TPH2: variants seen among roughly 807,000 people sequenced by gnomAD.
TPH2 encodes the protein tryptophan hydroxylase 2, also known as tryptophan 5-hydroxylase 2.
In TPH2, 27 loss-of-function variants were observed where a neutral mutation model predicts 59.1. That is an observed-to-expected ratio of 0.46 (90% CI 0.34 to 0.63). The LOEUF (loss-of-function observed/expected upper bound fraction) is 0.63, where lower values mean the gene tolerates loss of function less well. TPH2 is among the 30% of genes least tolerant of loss of function. TPH2 has a pLI of 0.01. For synonymous variants in TPH2, 220 were observed against 210.5 expected (o/e 1.05, Z -0.39); for missense variants, 523 against 588.3 (o/e 0.89, Z 1.15).
At chr12:71,986,970 A>G (rs1872454460) in intron 7 of TPH2, among the ~76,000 whole-genome samples, 1 of 152,184 alleles carries the variant, frequency 6.6e-6, no homozygotes, top group African/African-American at 2.4e-5. Context: ...TACCGTGTAG[A>G]GAATTGTGTC....
At chr12:71,974,870 C>A (rs1872073710) in intron 6 of TPH2, among the ~76,000 whole-genome samples, 1 of 152,182 alleles carries the variant, frequency 6.6e-6, no homozygotes, top group Admixed American at 6.5e-5. Flanking sequence ...ATGTTACTTT[C>A]TAAAATATTA....
At chr12:71,942,494 G>C (rs777203208) in intron 2 of TPH2, among the ~76,000 whole-genome samples, 3 of 152,188 alleles carry the variant, frequency 2.0e-5, no homozygotes, top group Admixed American at 6.5e-5. Flanking sequence ...CTAGCTCTGC[G>C]TGATGCCTTG....
chr12:71,956,988 A>G (rs530963036), intron 5 of TPH2, among the ~76,000 whole-genome samples: 51 of 152,270 alleles, frequency 3.3e-4, no homozygotes, highest in African/African-American at 1.1e-3. Context: ...ACTAATCCCT[A>G]TGAAAGAAGA....
rs1566109500 is a variant in TPH2, at chr12:71,941,569, T to C, written c.106-15T>C. Reference sequence around the variant, plus strand: ...AACTAATATTTTGTTTTATTATGCTTCGACATTCCTGAAGCTAAATAAACC... The same window carrying C: ...AACTAATATTTTGTTTTATTATGCTCCGACATTCCTGAAGCTAAATAAACC... On this transcript the variant is annotated splice_polypyrimidine_tract_variant and intron_variant, in intron 1 of 10. Transcript: ENST00000333850. 6.2e-7 allele frequency: 1 copy of C among 1,613,184 alleles called. No individual in the cohort carries two copies. Among genetic ancestry groups the C allele is most frequent in the African/African-American group, 1.3e-5 (1 of 75,008 alleles).
In TPH2 at chr12:71,995,476, T is replaced by C. The variant is rs182058123; in HGVS notation, c.1068+911T>C. ...TTGATATGCAGGAATATTCTTCATT[T>C]CCACCCAGAAATAAGTTTTCTCCTA... On this transcript the variant is annotated intron_variant, in intron 8 of 10. Transcript: ENST00000333850. Among the ~76,000 whole-genome samples, 789 of 152,320 alleles carry C rather than the reference T, an allele frequency of 5.2e-3. 25 individuals are homozygous for C. The highest frequency in any genetic ancestry group is 0.047 in the Admixed American group (712 of 15,292).
intron 7 of TPH2, among the ~76,000 whole-genome samples, chr12:71,981,147 G>C (rs755084277): frequency 6.6e-6 from 1 of 152,190 alleles, no homozygotes; most frequent in South Asian, 2.1e-4. Context: ...AAGGCTGGAC[G>C]GGGAGGGAAG....
chr12:71,978,928 T>C, intron 6 of TPH2, 24 bp from the exon 7 acceptor site: 2 of 1,614,126 alleles, frequency 1.2e-6, no homozygotes, highest in Non-Finnish European at 1.7e-6. Context: ...AATATTTAGT[T>C]GGCTTTTTCT....
chr12:72,001,318 C>T (rs925825416), intron 8 of TPH2, among the ~76,000 whole-genome samples: 15 of 152,086 alleles, frequency 9.9e-5, no homozygotes, highest in African/African-American at 2.7e-4. Flanking sequence ...TTCCCAGAAC[C>T]GGTTCCTGGA....
At chr12:72,003,784 T>TATGAACA (rs1312623848) in intron 8 of TPH2, among the ~76,000 whole-genome samples, 7 of 152,226 alleles carry the variant, frequency 4.6e-5, no homozygotes, top group Non-Finnish European at 1.0e-4. Flanking sequence ...CATTGCCCAC[T>TATGAACA]ATGTTCAGAA....
intron 8 of TPH2, among the ~76,000 whole-genome samples, chr12:72,004,563 T>A (rs1487514005): frequency 6.6e-6 from 1 of 152,224 alleles, no homozygotes; most frequent in Admixed American, 6.5e-5. Context: ...TAAGCTAGAA[T>A]ACATTCATTA....
chr12:71,987,790 T>C (rs1345643819), intron 7 of TPH2, among the ~76,000 whole-genome samples: 2 of 152,134 alleles, frequency 1.3e-5, no homozygotes, highest in African/African-American at 4.8e-5. Context: ...AGGCGGAGCT[T>C]GCAGTGAGCC....
intron 2 of TPH2, among the ~76,000 whole-genome samples, chr12:71,942,159 C>T (rs994312342): frequency 1.1e-4 from 16 of 152,162 alleles, no homozygotes; most frequent in Non-Finnish European, 1.9e-4. Context: ...TATAGGCACA[C>T]GGTATTCCCC....
intron 8 of TPH2, among the ~76,000 whole-genome samples, chr12:72,016,392 C>T (rs1873255191): frequency 1.3e-5 from 2 of 151,868 alleles, no homozygotes; most frequent in South Asian, 4.2e-4. Flanking sequence ...TTCTTGTTCC[C>T]CTTCTAAGTG....
intron 8 of TPH2, among the ~76,000 whole-genome samples, chr12:72,019,938 G>C (rs1242968536): frequency 1.3e-5 from 2 of 152,148 alleles, no homozygotes; most frequent in Non-Finnish European, 2.9e-5. Context: ...CTAGAACTTG[G>C]ATCCCTTTGT....
chr12:71,949,468 A>G (rs1871285501), intron 4 of TPH2, 120 bp from the exon 5 acceptor site: 2 of 786,940 alleles, frequency 2.5e-6, no homozygotes, highest in Non-Finnish European at 4.3e-6. Context: ...CAAGATGGCC[A>G]TCCTAGGATA....
intron 9 of TPH2, among the ~76,000 whole-genome samples, chr12:72,027,524 G>A (rs752474760): frequency 6.6e-6 from 1 of 152,204 alleles, no homozygotes; most frequent in African/African-American, 2.4e-5. Context: ...CCAAGGACAC[G>A]TAGTTAGGTA....
At chr12:71,944,213 C>T (rs1871143525) in intron 2 of TPH2, 81 bp from the exon 3 acceptor site, 2 of 1,498,832 alleles carry the variant, frequency 1.3e-6, no homozygotes, top group Admixed American at 1.7e-5. Context: ...TGGCACCTTG[C>T]TTAAGATGTG....
chr12:71,940,198 C>A (rs1284375801), intron 1 of TPH2, among the ~76,000 whole-genome samples: 1 of 151,998 alleles, frequency 6.6e-6, no homozygotes, highest in Non-Finnish European at 1.5e-5. Context: ...ATGTATGACC[C>A]TTTTATATAA....
chr12:71,952,041 A>G (rs1203331917), intron 5 of TPH2, among the ~76,000 whole-genome samples: 1 of 152,170 alleles, frequency 6.6e-6, no homozygotes, highest in Non-Finnish European at 1.5e-5. Context: ...AAACAAAGGC[A>G]AGCTGATGTT....
Sources: gnomAD v4.1 joint callset for allele counts (sites outside exome capture counted in the v4.1 genomes callset) on GRCh38, gnomAD v4.1.1 for gene constraint, MANE v1.5 for transcripts, NCBI Gene and HGNC (gene_info 2026-07-23, HGNC 2026-07-21) for gene names.